PCDH9: variants seen among roughly 807,000 people sequenced by gnomAD.
PCDH9 encodes protocadherin 9, also known as protocadherin-9.
Under a neutral mutation model 70.6 loss-of-function variants are expected in PCDH9, and 24 were observed. The observed-to-expected ratio is 0.34, with a 90% CI of 0.25 to 0.48. The LOEUF (loss-of-function observed/expected upper bound fraction) is 0.48. PCDH9 is among the 20% of genes least tolerant of loss of function. The pLI is 0.99. For missense variants in PCDH9, 1,281 were observed against 1,503.6 expected (o/e 0.85, Z 2.45); for synonymous variants, 562 against 558.5 (o/e 1.01, Z -0.09).
chr13:66,766,908 CAA>C (rs2079726505), intron 3 of PCDH9, among the ~76,000 whole-genome samples: 1 of 151,784 alleles, frequency 6.6e-6, no homozygotes. Flanking sequence ...TGGTTTCATT[CAA>C]AAAGTTTTTT....
chr13:66,745,234 AC>A (rs984647524), intron 3 of PCDH9, among the ~76,000 whole-genome samples: 3 of 152,206 alleles, frequency 2.0e-5, no homozygotes, highest in African/African-American at 7.2e-5. Context: ...ATGATGTCTT[AC>A]CCATTTGAAT....
chr13:66,377,610 G>C (rs1956772458), intron 4 of PCDH9, among the ~76,000 whole-genome samples: 1 of 152,136 alleles, frequency 6.6e-6, no homozygotes, highest in African/African-American at 2.4e-5. Flanking sequence ...GAGTCTGCTG[G>C]AGTCAATAAT....
intron 2 of PCDH9, among the ~76,000 whole-genome samples, chr13:66,981,492 A>C (rs924014231): frequency 4.6e-5 from 7 of 151,836 alleles, no homozygotes; most frequent in African/African-American, 1.4e-4. Flanking sequence ...TACTAAAAAA[A>C]GTACTTGAGC....
intron 4 of PCDH9, among the ~76,000 whole-genome samples, chr13:66,594,516 T>C (rs1446194595): frequency 7.2e-6 from 1 of 138,566 alleles, no homozygotes; most frequent in Non-Finnish European, 1.6e-5. Context: ...TATTTTATTT[T>C]ATTTTAAGTT....
At chr13:66,808,932 T>A (rs926586113) in intron 3 of PCDH9, among the ~76,000 whole-genome samples, 1 of 152,164 alleles carries the variant, frequency 6.6e-6, no homozygotes, top group Non-Finnish European at 1.5e-5. Flanking sequence ...ATTCTTGTGA[T>A]TTAAAATTTT....
chr13:67,165,181 A>C (rs1310120103), intron 2 of PCDH9, among the ~76,000 whole-genome samples: 1 of 152,202 alleles, frequency 6.6e-6, no homozygotes, highest in African/African-American at 2.4e-5. Flanking sequence ...ACTTCACTTT[A>C]CTTTTTTATT....
chr13:67,020,509 G>A (rs1464372707), intron 2 of PCDH9, among the ~76,000 whole-genome samples: 2 of 151,860 alleles, frequency 1.3e-5, no homozygotes, highest in Non-Finnish European at 2.9e-5. Context: ...CACGTTAGAA[G>A]ACAAAATGCA....
At chr13:66,378,934 A>G (rs1956794764) in intron 4 of PCDH9, among the ~76,000 whole-genome samples, 1 of 152,202 alleles carries the variant, frequency 6.6e-6, no homozygotes, top group Non-Finnish European at 1.5e-5. Flanking sequence ...CAGTTCACCA[A>G]GCAAGTCACC....
intron 4 of PCDH9, among the ~76,000 whole-genome samples, chr13:66,462,039 C>T (rs1316085862): frequency 1.3e-5 from 2 of 151,668 alleles, no homozygotes; most frequent in Non-Finnish European, 1.5e-5. Flanking sequence ...CTTGAAAGAG[C>T]CAATTGTTTA....
chr13:67,007,322 A>C (rs1052282161), intron 2 of PCDH9, among the ~76,000 whole-genome samples: 3 of 152,154 alleles, frequency 2.0e-5, no homozygotes, highest in Non-Finnish European at 2.9e-5. Flanking sequence ...TTGAGTAAAA[A>C]AACACAAATA....
At chr13:66,442,330 C>A (rs116222776) in intron 4 of PCDH9, among the ~76,000 whole-genome samples, 2,478 of 152,218 alleles carry the variant, frequency 0.016, 64 homozygotes, top group African/African-American at 0.056. Flanking sequence ...ATCACATACT[C>A]TGGTCTTTCA....
At chr13:66,797,406 T>C (rs552965873) in intron 3 of PCDH9, among the ~76,000 whole-genome samples, 2 of 152,304 alleles carry the variant, frequency 1.3e-5, no homozygotes, top group East Asian at 1.9e-4. Context: ...CACTTTACCA[T>C]AGTGACATAG....
chr13:66,450,742 A>T (rs759298920), intron 4 of PCDH9, among the ~76,000 whole-genome samples: 1 of 152,166 alleles, frequency 6.6e-6, no homozygotes, highest in Non-Finnish European at 1.5e-5. Context: ...CAGGCCGGGC[A>T]CGGTGGCTCA....
At chr13:66,713,621 G>GTATATATATATA (rs1415001060) in intron 3 of PCDH9, among the ~76,000 whole-genome samples, 50 of 16,906 alleles carry the variant, frequency 3.0e-3, no homozygotes, top group East Asian at 0.011. Flanking sequence ...AAGTGTGTGT[G>GTATATATATATA]TGTGTATATA....
intron 2 of PCDH9, among the ~76,000 whole-genome samples, chr13:67,128,780 G>A (rs565421171): frequency 5.3e-5 from 8 of 152,212 alleles, no homozygotes; most frequent in Admixed American, 3.9e-4. Context: ...AGCTTCCACC[G>A]TTGTGTTCCA....
intron 2 of PCDH9, among the ~76,000 whole-genome samples, chr13:66,973,065 G>A (rs2083552819): frequency 6.6e-6 from 1 of 151,906 alleles, no homozygotes; most frequent in Admixed American, 6.6e-5. Flanking sequence ...ATAACTGGAT[G>A]TAACCATACT....
intron 4 of PCDH9, among the ~76,000 whole-genome samples, chr13:66,452,304 A>AT (rs1454727391): frequency 2.0e-5 from 3 of 152,126 alleles, no homozygotes; most frequent in Non-Finnish European, 4.4e-5. Context: ...AGGGCACTGC[A>AT]TATTATGCTC....
At chr13:66,864,988 G>T (rs184674273) in intron 3 of PCDH9, among the ~76,000 whole-genome samples, 2 of 152,268 alleles carry the variant, frequency 1.3e-5, no homozygotes, top group African/African-American at 4.8e-5. Flanking sequence ...ACAAGAGAAA[G>T]AATTATGCCA....
chr13:66,634,850 C>T (rs2077616784), intron 3 of PCDH9, among the ~76,000 whole-genome samples: 1 of 152,114 alleles, frequency 6.6e-6, no homozygotes, highest in South Asian at 2.1e-4. Flanking sequence ...CAGAATTTGG[C>T]ATGCCTCACC....
Sources: gnomAD v4.1 joint callset for allele counts (sites outside exome capture counted in the v4.1 genomes callset) on GRCh38, gnomAD v4.1.1 for gene constraint, MANE v1.5 for transcripts, NCBI Gene and HGNC (gene_info 2026-07-23, HGNC 2026-07-21) for gene names.